COMT: variants seen among roughly 807,000 people sequenced by gnomAD.
The protein encoded by COMT is catechol-O-methyltransferase.
COMT carries 13 observed loss-of-function variants against 18.9 expected under a neutral mutation model. That is an observed-to-expected ratio of 0.69 (90% CI 0.45 to 1.09). The LOEUF is 1.09. Among genes scored for constraint, COMT ranks in the 50% least tolerant of loss-of-function variants. COMT has a pLI of 0.00. For missense variants in COMT, 329 were observed against 361.8 expected, an observed-to-expected ratio of 0.91 and a Z score of 0.73; for synonymous variants, 150 against 160.9, an observed-to-expected ratio of 0.93 and a Z score of 0.51.
chr22:19,962,242 G>A (rs1160317882), intron 2 of COMT: 7 of 531,930 alleles, frequency 1.3e-5, no homozygotes, highest in Non-Finnish European at 2.4e-5. Flanking sequence ...GAGGATCCCT[G>A]GGCTGCCTGG....
In COMT at chr22:19,968,370, A is replaced by G. The variant is rs190149878; in HGVS notation, c.616-166A>G. On this transcript the variant is annotated intron_variant, in intron 5 of 5. Transcript: ENST00000361682. ...TGAAGGTGGCACCCAAGTCTTGTACAGTCCTTTCCTGCAGGAGTCACGCTG... is the reference window on the plus strand; with the variant it reads ...TGAAGGTGGCACCCAAGTCTTGTACGGTCCTTTCCTGCAGGAGTCACGCTG... Among the ~76,000 whole-genome samples, 406 of 152,300 alleles carry G rather than the reference A, an allele frequency of 2.7e-3. 1 individual carries two copies. Among genetic ancestry groups the G allele is most frequent in the African/African-American group, 9.2e-3 (384 of 41,558 alleles).
chr22:19,950,648 G>A (rs978523799), intron 1 of COMT, among the ~76,000 whole-genome samples: 1 of 152,058 alleles, frequency 6.6e-6, no homozygotes, highest in Non-Finnish European at 1.5e-5. Flanking sequence ...GGAAGAGAGA[G>A]GCCTGCAGCG....
chr22:19,963,584 T>TGG lies in COMT; in HGVS notation c.309_310insGG (p.Ile104GlyfsTer56). On this transcript the variant is annotated frameshift_variant, in exon 4 of 6. Transcript: ENST00000361682. LOFTEE classifies it high-confidence loss of function. Reference sequence around the variant, plus strand: ...TGCACAGGCAAGATCGTGGACGCCGTGATTCAGGAGCACCAGCCCTCCGTG... The same window carrying TGG: ...TGCACAGGCAAGATCGTGGACGCCGTGGGATTCAGGAGCACCAGCCCTCCGTG... The TGG allele has an allele frequency of 6.2e-7, 1 of 1,612,620 alleles. No homozygotes were observed. The highest frequency in any genetic ancestry group is 8.5e-7 in the Non-Finnish European group (1 of 1,179,990).
At position 19,959,537 on chromosome 22, in the gene COMT, C is replaced by T. The variant is rs182242505; in HGVS notation, c.-91-1662C>T. Among the ~76,000 whole-genome samples, 937 of 145,294 alleles carry T rather than the reference C, an allele frequency of 6.4e-3. 9 individuals are homozygous for T. Among genetic ancestry groups the T allele is most frequent in the African/African-American group, 0.022 (878 of 40,382 alleles). On this transcript the variant is annotated intron_variant, in intron 1 of 5. Coordinates refer to ENST00000361682, the MANE Select transcript of COMT (RefSeq NM_000754.4). ...GAGGAGGGTGGGCGGGGAGGCCCTA[C>T]GGGGCTGGGGCGGGGCGGAGCGGAG...
intron 1 of COMT, among the ~76,000 whole-genome samples, chr22:19,947,595 C>T (rs1941860978): frequency 6.6e-6 from 1 of 152,174 alleles, no homozygotes; most frequent in African/African-American, 2.4e-5. Context: ...TTCTGTATTT[C>T]AGAGACCTTT....
At chr22:19,967,093 CT>C (rs1270505821) in intron 5 of COMT, 1 of 1,246,474 alleles carries the variant, frequency 8.0e-7, no homozygotes, top group African/African-American at 1.6e-5. Flanking sequence ...GAGTGGGCCC[CT>C]GGCAGCCTCC....
intron 1 of COMT, among the ~76,000 whole-genome samples, chr22:19,957,584 T>C (rs1307002512): frequency 6.6e-6 from 1 of 152,244 alleles, no homozygotes; most frequent in African/African-American, 2.4e-5. Flanking sequence ...TCATGCTCTT[T>C]AGAGCCAGAG....
intron 2 of COMT, chr22:19,962,127 C>A: frequency 6.5e-6 from 2 of 308,950 alleles, no homozygotes; most frequent in South Asian, 6.6e-5. Flanking sequence ...CCGTGACTAC[C>A]CCCAACTCCG....
rs763598655 is a variant in COMT, at chr22:19,950,261, T to TTTTTTTTTTTTTTTTTTTTG, written c.-92+8366_-92+8367insTTTTTTTTTTTTTTTTTGTT. Among the ~76,000 whole-genome samples the TTTTTTTTTTTTTTTTTTTTG allele has an allele frequency of 4.6e-4, 61 of 132,784 alleles. 1 individual carries two copies. The highest frequency in any genetic ancestry group is 7.4e-4 in the Non-Finnish European group (45 of 60,836). 87.1% of individuals were successfully genotyped at this position (132,784 alleles called of 152,430 possible). A position where few individuals can be genotyped will look rare whatever the true frequency, so the allele number is the denominator to read the frequency against. On this transcript the variant is annotated intron_variant, in intron 1 of 5. Transcript: ENST00000361682. ...CTTTTCTTTTTTTTTTTTTTTTTTT[T>TTTTTTTTTTTTTTTTTTTTG]TTCTGTAGAGACAAGGTCTTGCTGT...
intron 1 of COMT, among the ~76,000 whole-genome samples, chr22:19,954,003 G>A (rs1425880952): frequency 1.3e-5 from 2 of 152,230 alleles, no homozygotes; most frequent in East Asian, 3.9e-4. Context: ...CAGTAAAGGA[G>A]TGGAGGGGCC....
chr22:19,967,282 T>C, intron 5 of COMT: 2 of 1,173,214 alleles, frequency 1.7e-6, no homozygotes, highest in Non-Finnish European at 2.3e-6. Context: ...CCCTCACTCA[T>C]GCATTCCCTG....
intron 1 of COMT, among the ~76,000 whole-genome samples, chr22:19,946,985 G>A (rs181173562): frequency 1.4e-4 from 20 of 144,344 alleles, no homozygotes; most frequent in East Asian, 6.1e-4. Context: ...GCACGATCTC[G>A]GCTCACTGCA....
rs752185888 is a variant in COMT, at chr22:19,968,623, G to A, written c.703G>A (p.Gly235Arg). 1.2e-5 allele frequency: 20 copies of A among 1,614,080 alleles called. No individual in the cohort carries two copies. Among genetic ancestry groups the A allele is most frequent in the South Asian group, 5.5e-5 (5 of 91,088 alleles). ...GAPDFLAHVR[G>R]SSCFECTHYQ... Reference sequence around the variant, plus strand: ...GCCAGACTTCCTAGCACACGTGCGCGGGAGCAGCTGCTTTGAGTGCACACA... The same window carrying A: ...GCCAGACTTCCTAGCACACGTGCGCAGGAGCAGCTGCTTTGAGTGCACACA... Residue 235 changes from glycine (G) to arginine (R), a missense_variant, in exon 6 of 6, where the codon GGG becomes AGG. Coordinates refer to ENST00000361682, the MANE Select transcript of COMT (RefSeq NM_000754.4).
chr22:19,949,272 G>A (rs1941889106), intron 1 of COMT, among the ~76,000 whole-genome samples: 1 of 152,072 alleles, frequency 6.6e-6, no homozygotes, highest in South Asian at 2.1e-4. Flanking sequence ...AAGTAGCTGG[G>A]ACTACAGGCA....
At chr22:19,955,161 C>T (rs1942031559) in intron 1 of COMT, among the ~76,000 whole-genome samples, 1 of 152,210 alleles carries the variant, frequency 6.6e-6, no homozygotes, top group South Asian at 2.1e-4. Flanking sequence ...CACCACCATG[C>T]CTGGCTCAAT....
rs1941732412 is a variant in COMT at position 19,941,815 on chromosome 22, T to G, written c.-174T>G. 2.0e-6 allele frequency: 3 copies of G among 1,529,596 alleles called. No individual in the cohort carries two copies. Among genetic ancestry groups the G allele is most frequent in the Non-Finnish European group, 2.6e-6 (3 of 1,149,164 alleles). 94.8% of individuals were successfully genotyped at this position (1,529,596 alleles called of 1,614,324 possible). ...GCCATTGCCGCCATCGTCGTGGGGC[T>G]TCTGGGGCAGCTAGGGCTGCCCGCC... On this transcript the variant is annotated 5_prime_UTR_variant, in exon 1 of 6. Transcript: ENST00000361682.
chr22:19,964,982 C>T (rs1278691301), intron 5 of COMT: 1 of 171,680 alleles, frequency 5.8e-6, no homozygotes. Flanking sequence ...GGCCTCCCCA[C>T]CTGGTGCTCG....
chr22:19,958,713 C>T (rs1942121173), intron 1 of COMT, among the ~76,000 whole-genome samples: 1 of 125,052 alleles, frequency 8.0e-6, no homozygotes, highest in East Asian at 2.3e-4. Context: ...ACCTCCACTC[C>T]ATCTCTACCA....
In COMT at chr22:19,941,823, C is replaced by G; in HGVS notation, c.-166C>G. ...CGCCATCGTCGTGGGGCTTCTGGGG[C>G]AGCTAGGGCTGCCCGCCGCGCTGCC... On this transcript the variant is annotated 5_prime_UTR_variant, in exon 1 of 6. Coordinates refer to ENST00000361682, the MANE Select transcript of COMT (RefSeq NM_000754.4). 1 of 1,515,420 alleles carries G rather than the reference C, an allele frequency of 6.6e-7. No individual in the cohort carries two copies. Among genetic ancestry groups the G allele is most frequent in the Non-Finnish European group, 8.8e-7 (1 of 1,141,766 alleles). The allele number at this position is 1,515,420 out of a possible 1,614,324, so 93.9% of individuals were successfully genotyped here.
Sources: gnomAD v4.1 joint callset for allele counts (sites outside exome capture counted in the v4.1 genomes callset) on GRCh38, gnomAD v4.1.1 for gene constraint, MANE v1.5 for transcripts, NCBI Gene and HGNC (gene_info 2026-07-23, HGNC 2026-07-21) for gene names.